Variants in COL6A5 observed in about 807,000 individuals in gnomAD.
COL6A5 encodes collagen alpha-5(VI) chain.
COL6A5 carries 48 observed loss-of-function variants against 65.6 expected under a neutral mutation model. That is an observed-to-expected ratio of 0.73 (90% CI 0.58 to 0.93). The LOEUF (loss-of-function observed/expected upper bound fraction) is 0.93. Among genes scored for constraint, COL6A5 ranks in the 40% least tolerant of loss-of-function variants. COL6A5 has a pLI of 0.00. For missense variants in COL6A5, 914 were observed against 928.3 expected, an observed-to-expected ratio of 0.98 and a Z score of 0.20; for synonymous variants, 291 against 322.8, an observed-to-expected ratio of 0.90 and a Z score of 1.05.
At chr3:130,387,802 T>TTA (rs970941776) in intron 5 of COL6A5, among the ~76,000 whole-genome samples, 1 of 152,000 alleles carries the variant, frequency 6.6e-6, no homozygotes, top group South Asian at 2.1e-4. Context: ...TATTTGCATA[T>TTA]TATATATATA....
intron 13 of COL6A5, among the ~76,000 whole-genome samples, chr3:130,405,265 T>G (rs376747415): frequency 6.6e-6 from 1 of 152,322 alleles, no homozygotes; most frequent in African/African-American, 2.4e-5. Context: ...GTAGATGGAT[T>G]ACTGGAGTCT....
exon 4 of COL6A5, chr3:130,443,535 G>A (rs1265349523): frequency 6.2e-7 from 1 of 1,611,128 alleles, no homozygotes; most frequent in East Asian, 2.2e-5. Context: ...CATCAATTTA[G>A]GAGGAGAGAA....
chr3:130,481,696 C>T (rs914837854), intron 7 of COL6A5, among the ~76,000 whole-genome samples: 4 of 152,200 alleles, frequency 2.6e-5, no homozygotes, highest in Non-Finnish European at 5.9e-5. Flanking sequence ...TCCACATCCT[C>T]ACCAGCATCT....
chr3:130,420,973 A>T (rs910640189), intron 25 of COL6A5, among the ~76,000 whole-genome samples, 180 bp from the exon 26 acceptor site: 1 of 152,084 alleles, frequency 6.6e-6, no homozygotes, highest in African/African-American at 2.4e-5. Context: ...AGTACAGGGA[A>T]CATATCAGGG....
chr3:130,386,503 G>A (rs1577454437), intron 5 of COL6A5, among the ~76,000 whole-genome samples: 1 of 152,024 alleles, frequency 6.6e-6, no homozygotes, highest in East Asian at 1.9e-4. Flanking sequence ...CAAATAAATA[G>A]CATTAACAAC....
chr3:130,400,135 ACT>A (rs2107663208), intron 10 of COL6A5, among the ~76,000 whole-genome samples: 1 of 151,962 alleles, frequency 6.6e-6, no homozygotes, highest in Admixed American at 6.6e-5. Context: ...CTCCCCGGGT[ACT>A]CTCTCCATCT....
At chr3:130,477,383 G>A (rs1710125904) in intron 7 of COL6A5, 1 of 246,336 alleles carries the variant, frequency 4.1e-6, no homozygotes, top group Non-Finnish European at 7.7e-6. Context: ...TTCCTAAAGA[G>A]ATTGAACTTT....
chr3:130,415,215 A>G (rs894554151), intron 22 of COL6A5, among the ~76,000 whole-genome samples: 7 of 152,096 alleles, frequency 4.6e-5, no homozygotes, highest in African/African-American at 1.7e-4. Context: ...ATAGACTTTG[A>G]TTCTTCTGAT....
intron 7 of COL6A5, among the ~76,000 whole-genome samples, chr3:130,393,559 A>G (rs923307588): frequency 6.6e-6 from 1 of 152,170 alleles, no homozygotes; most frequent in Admixed American, 6.5e-5. Flanking sequence ...ATGAATGTGG[A>G]GGCTGTTTTA....
Position 130,392,960 on chromosome 3 carries a change from C to G in COL6A5, c.2992+1206C>G, listed in dbSNP as rs546956276. 6.6e-5 allele frequency among the ~76,000 whole-genome samples: 10 copies of G among 152,272 alleles called. No homozygotes were observed. The South Asian group carries it at 1.9e-3, about 28-fold the overall frequency. On this transcript the variant is annotated intron_variant and NMD_transcript_variant, in intron 7 of 41. Coordinates refer to the COL6A5 transcript ENST00000312481. ...TCCATCCTCTCCCTTGACTCTCAGT[C>G]TGAAGCGTGGGCTCCCCTCCCTCAG...
chr3:130,420,950 A>G (rs1397756389), intron 25 of COL6A5, among the ~76,000 whole-genome samples: 1 of 152,084 alleles, frequency 6.6e-6, no homozygotes, highest in Non-Finnish European at 1.5e-5. Flanking sequence ...TACAGAATGG[A>G]GCTGGTCAAA....
At chr3:130,374,989 A>G (rs1236725311) in intron 2 of COL6A5, among the ~76,000 whole-genome samples, 5 of 152,170 alleles carry the variant, frequency 3.3e-5, no homozygotes, top group African/African-American at 1.2e-4. Flanking sequence ...TCACTGTGTT[A>G]CTCTAAGATT....
exon 4 of COL6A5, chr3:130,379,481 C>T (rs1412445062): frequency 6.4e-7 from 1 of 1,551,278 alleles, no homozygotes; most frequent in Non-Finnish European, 8.7e-7. Flanking sequence ...GTGGATGAGT[C>T]ACTTGGGACC....
chr3:130,385,712 G>A (rs1478287444), intron 5 of COL6A5, among the ~76,000 whole-genome samples: 1 of 151,904 alleles, frequency 6.6e-6, no homozygotes, highest in African/African-American at 2.4e-5. Flanking sequence ...TAAGTACGGG[G>A]GAAGTACAGT....
intron 1 of COL6A5, among the ~76,000 whole-genome samples, chr3:130,437,162 T>C (rs1288317895): frequency 1.3e-5 from 2 of 152,076 alleles, no homozygotes; most frequent in African/African-American, 4.8e-5. Context: ...TGTGTGCGTA[T>C]ATATGTGTGT....
chr3:130,481,746 C>T (rs574137516), intron 7 of COL6A5, among the ~76,000 whole-genome samples: 2 of 152,084 alleles, frequency 1.3e-5, no homozygotes, highest in African/African-American at 4.8e-5. Flanking sequence ...ATCTAACTGG[C>T]GTGAGATAGT....
exon 6 of COL6A5, chr3:130,468,974 G>A (rs772827980): frequency 4.3e-6 from 7 of 1,612,604 alleles, no homozygotes; most frequent in Admixed American, 1.7e-5. Context: ...CTTTCACATT[G>A]CCCCCACTCC....
intron 8 of COL6A5, among the ~76,000 whole-genome samples, chr3:130,396,902 G>A (rs571703833): frequency 3.3e-5 from 5 of 152,100 alleles, no homozygotes; most frequent in African/African-American, 4.8e-5. Context: ...TCGCTCTGTC[G>A]CCCAGGCTGG....
chr3:130,435,280 T>C (rs1937992748), intron 1 of COL6A5, among the ~76,000 whole-genome samples: 1 of 152,198 alleles, frequency 6.6e-6, no homozygotes, highest in South Asian at 2.1e-4. Context: ...GAGGTCTCTA[T>C]TCTGCTCCAT....
Sources: allele counts gnomAD v4.1 joint callset (sites outside exome capture counted in the v4.1 genomes callset), GRCh38; gene constraint gnomAD v4.1.1; transcripts MANE v1.5; gene names NCBI Gene and HGNC (gene_info 2026-07-23, HGNC 2026-07-21).